KIF18B: variants seen among roughly 807,000 people sequenced by gnomAD.
KIF18B encodes the protein kinesin family member 18B.
KIF18B carries 49 observed loss-of-function variants against 80.9 expected under a neutral mutation model. That is an observed-to-expected ratio of 0.61 (90% CI 0.48 to 0.77). The LOEUF (loss-of-function observed/expected upper bound fraction) is 0.77, where lower values mean the gene tolerates loss of function less well. KIF18B is among the 30% of genes least tolerant of loss of function. The pLI is 0.00. For synonymous variants in KIF18B, 439 were observed against 463.9 expected (o/e 0.95, Z 0.69); for missense variants, 994 against 1,127.7 (o/e 0.88, Z 1.70).
chr17:44,930,442 A>G (rs1455503963), intron 11 of KIF18B, among the ~76,000 whole-genome samples: 1 of 152,246 alleles, frequency 6.6e-6, no homozygotes, highest in Non-Finnish European at 1.5e-5. Context: ...GCTAAAAACA[A>G]TAAAAAAAAA....
At chr17:44,932,833 G>A in intron 8 of KIF18B, 60 bp from the exon 9 acceptor site, 1 of 1,568,438 alleles carries the variant, frequency 6.4e-7, no homozygotes, top group Non-Finnish European at 8.7e-7. Flanking sequence ...GGGAGGGGCA[G>A]ACAGAGCCCC....
rs143296698 is a variant in KIF18B at position 44,932,329 on chromosome 17, G to A, written c.1239-123C>T. 2.8e-3 allele frequency: 3,195 copies of A among 1,122,422 alleles called. 52 individuals carry two copies. The African/African-American group carries it at 0.04, about 14-fold the overall frequency. 69.5% of individuals were successfully genotyped at this position (1,122,422 alleles called of 1,614,324 possible). On this transcript the variant is annotated intron_variant, in intron 9 of 15. Coordinates refer to ENST00000593135, the MANE Select transcript of KIF18B (RefSeq NM_001265577.2). Reference sequence around the variant, plus strand: ...GTGGGATCTCTGTGGCACCCAGGTCGTATAGAGTCCATAAGGGACAGATGC... The same window carrying A: ...GTGGGATCTCTGTGGCACCCAGGTCATATAGAGTCCATAAGGGACAGATGC...
Position 44,925,767 on chromosome 17 carries a change from T to A in KIF18B, c.*313A>T. ...CTGCACTCCAGCCTGGGCGACAGAG[T>A]AAGACTCCATCTCAAAACAAAAAAA... On this transcript the variant is annotated 3_prime_UTR_variant, in exon 16 of 16. Coordinates refer to ENST00000593135, the MANE Select transcript of KIF18B (RefSeq NM_001265577.2). 3 of 361,562 alleles carry A rather than the reference T, an allele frequency of 8.3e-6. No individual in the cohort carries two copies. The highest frequency in any genetic ancestry group is 1.5e-5 in the Non-Finnish European group (3 of 195,292). The allele number at this position is 361,562 out of a possible 1,614,324, so 22.4% of individuals were successfully genotyped here.
rs561983834 is a variant in KIF18B at position 44,928,051 on chromosome 17, T to C, written c.2251A>G (p.Arg751Gly). Residue 751 changes from arginine (R) to glycine (G), a missense_variant, in exon 13 of 16, where the codon AGG becomes GGG. Coordinates refer to ENST00000593135, the MANE Select transcript of KIF18B (RefSeq NM_001265577.2). ...CTGGGGATGAAGGGCTGGTCCAGCC[T>C]GCTCAGCTCCTGGGGTATTTTGTCC... is the stretch of plus-strand genomic sequence containing the variant. ...GWDKIPQELSRLDQPFIPRAP... is the reference protein window; with the variant it reads ...GWDKIPQELSGLDQPFIPRAP... 3 of 1,527,312 alleles carry C rather than the reference T, an allele frequency of 2.0e-6. No homozygotes were observed. Among genetic ancestry groups the C allele is most frequent in the Non-Finnish European group, 2.6e-6 (3 of 1,138,272 alleles). The allele number at this position is 1,527,312 out of a possible 1,614,324, so 94.6% of individuals were successfully genotyped here. A position where few individuals can be genotyped will look rare whatever the true frequency, so the allele number is the denominator to read the frequency against.
Position 44,934,390 on chromosome 17 carries a change from T to C in KIF18B, c.728A>G (p.Gln243Arg). The C allele has an allele frequency of 2.5e-6, 4 of 1,606,792 alleles. No individual in the cohort carries two copies. Among genetic ancestry groups the C allele is most frequent in the Non-Finnish European group, 3.4e-6 (4 of 1,176,474 alleles). ...GCTCATCTTGGCCACCTGGACAGCCTGGGTCAGTCCTGGAACCCGGTCCTG... is the reference window on the plus strand; with the variant it reads ...GCTCATCTTGGCCACCTGGACAGCCCGGGTCAGTCCTGGAACCCGGTCCTG... Reference protein sequence around the residue: ...KQQDRVPGLTQAVQVAKMSLI... With the variant: ...KQQDRVPGLTRAVQVAKMSLI... The change falls in exon 6 of 16, where the codon CAG (glutamine) becomes CGG (arginine). Residue 243 changes from glutamine (Q) to arginine (R), a missense_variant. Transcript: ENST00000593135. This position sits in a 1 kb window ranked among gnomAD's most constrained non-coding sequence, Gnocchi z 5.4.
chr17:44,931,336 T>C (rs2145685923), intron 11 of KIF18B, among the ~76,000 whole-genome samples: 1 of 152,352 alleles, frequency 6.6e-6, no homozygotes, highest in East Asian at 1.9e-4. Context: ...CGCCCTGCCC[T>C]GACCCAGGGT....
intron 1 of KIF18B, among the ~76,000 whole-genome samples, chr17:44,938,464 C>A (rs975088560): frequency 6.6e-6 from 1 of 152,184 alleles, no homozygotes; most frequent in Non-Finnish European, 1.5e-5. Context: ...AATAGTCAGA[C>A]ATGTCAATCT....
intron 1 of KIF18B, among the ~76,000 whole-genome samples, chr17:44,939,578 C>T (rs1426382895): frequency 2.0e-5 from 3 of 151,956 alleles, no homozygotes; most frequent in African/African-American, 7.2e-5. Flanking sequence ...TATGAAAAAT[C>T]CTGCTAAGAT....
rs141039672 is a variant in KIF18B at position 44,936,930 on chromosome 17, C to T, written c.-14-572G>A. Among the ~76,000 whole-genome samples the T allele has an allele frequency of 7.2e-3, 1,086 of 151,830 alleles. 5 individuals are homozygous for T. Among genetic ancestry groups the T allele is most frequent in the Non-Finnish European group, 0.012 (802 of 67,924 alleles). On this transcript the variant is annotated intron_variant, in intron 1 of 15. Transcript: ENST00000593135. ...GTGTTGGGATTACAGGCATGAGCCA[C>T]CGCGCCAGGCCTCAAATGACTATAT...
Position 44,934,927 on chromosome 17 carries a change from A to C in KIF18B, c.480T>G (p.Asn160Lys). 6.5e-7 allele frequency: 1 copy of C among 1,535,566 alleles called. No homozygotes were observed. The highest frequency in any genetic ancestry group is 8.8e-7 in the Non-Finnish European group (1 of 1,133,612). Residue 160 changes from asparagine to lysine, a missense_variant, in exon 4 of 16, where the codon AAT becomes AAG. Coordinates refer to ENST00000593135, the MANE Select transcript of KIF18B (RefSeq NM_001265577.2). This position sits in a 1 kb window ranked among gnomAD's most constrained non-coding sequence, Gnocchi z 5.4. The stretch of plus-strand genomic sequence containing the variant: ...GCTCCAGGAGGTCATGGATCTGTTC[A>C]TTATACACCTGAGAAAGGAAGAAAG... The part of the protein sequence containing the change: ...EVLISYQEVY[N>K]EQIHDLLEPK...
rs1479668556 is a variant in KIF18B, at chr17:44,936,158, T to C, written c.187A>G (p.Lys63Glu). ...KWGGTHDGPK[K>E]KGKDLTFVFD... is the part of the protein sequence containing the mutation. ...ACAAACGTCAGGTCTTTGCCCTTCT[T>C]CTTGGGGCCATCATGGGTGCCACCC... Residue 63 changes from lysine (K) to glutamate (E), a missense_variant, in exon 2 of 16, where the codon AAG (lysine) becomes GAG (glutamate). Coordinates refer to ENST00000593135, the MANE Select transcript of KIF18B (RefSeq NM_001265577.2). 1.2e-6 allele frequency: 2 copies of C among 1,613,434 alleles called. No homozygotes were observed. Among genetic ancestry groups the C allele is most frequent in the Non-Finnish European group, 1.7e-6 (2 of 1,179,740 alleles).
chr17:44,938,765 C>G (rs2052358820), intron 1 of KIF18B, among the ~76,000 whole-genome samples: 1 of 152,186 alleles, frequency 6.6e-6, no homozygotes, highest in Non-Finnish European at 1.5e-5. Flanking sequence ...GAATTTGTGG[C>G]TGGGTGTGGT....
rs2052186044 is a variant in KIF18B, at chr17:44,932,779, A to G, written c.1138-6T>C. 5 of 1,611,774 alleles carry G rather than the reference A, an allele frequency of 3.1e-6. No individual in the cohort carries two copies. Among genetic ancestry groups the G allele is most frequent in the East Asian group, 2.2e-5 (1 of 44,834 alleles). The stretch of plus-strand genomic sequence containing the variant: ...TTCTTCCTCAGAGCGGCTACCTGGA[A>G]CAGAAGCAGCCCAGCCCCTGAGAGC... On this transcript the variant is annotated splice_region_variant and splice_polypyrimidine_tract_variant and intron_variant, in intron 8 of 15. Transcript: ENST00000593135.
chr17:44,936,597 TC>T (rs1317964340), intron 1 of KIF18B, among the ~76,000 whole-genome samples: 1 of 39,974 alleles, frequency 2.5e-5, no homozygotes, highest in African/African-American at 9.8e-5. Flanking sequence ...TCTCTCTCTC[TC>T]TATATATATA....
At chr17:44,936,594 CTCTCTATATA>C (rs1299298496) in intron 1 of KIF18B, among the ~76,000 whole-genome samples, 421 of 45,010 alleles carry the variant, frequency 9.4e-3, no homozygotes, top group Middle Eastern at 0.016. Context: ...CTCTCTCTCT[CTCTCTATATA>C]TATATATATA....
chr17:44,928,796 G>A lies in KIF18B; in HGVS notation c.1723+23C>T, dbSNP rs757426054. 1.9e-6 allele frequency: 3 copies of A among 1,608,960 alleles called. No individual in the cohort carries two copies. The Admixed American group carries it at 5.0e-5, about 27-fold the overall frequency. The stretch of plus-strand genomic sequence containing the variant: ...GAAGACAGCACCTTGAAGACAGGCA[G>A]GGGAGAGCAGGATGAGACTCACTTG... On this transcript the variant is annotated intron_variant, in intron 12 of 15. Coordinates refer to ENST00000593135, the MANE Select transcript of KIF18B (RefSeq NM_001265577.2).
chr17:44,930,933 A>G (rs2052132616), intron 11 of KIF18B, among the ~76,000 whole-genome samples: 1 of 152,194 alleles, frequency 6.6e-6, no homozygotes, highest in African/African-American at 2.4e-5. Flanking sequence ...CCCAACAAGA[A>G]ATAAAATTAA....
chr17:44,932,208 T>C lies in KIF18B; in HGVS notation c.1239-2A>G. The C allele has an allele frequency of 6.3e-7, 1 of 1,575,232 alleles. No individual in the cohort carries two copies. The highest frequency in any genetic ancestry group is 8.6e-7 in the Non-Finnish European group (1 of 1,156,638). On this transcript the variant is annotated splice_acceptor_variant, in intron 9 of 15. Transcript: ENST00000593135. LOFTEE classifies it high-confidence loss of function. Reference sequence around the variant, plus strand: ...GGGAGCTCTGGGGTGCAGGGCTGGCTGGGAGGGTGGGGTGGCAAGGGGGAG... The same window carrying C: ...GGGAGCTCTGGGGTGCAGGGCTGGCCGGGAGGGTGGGGTGGCAAGGGGGAG...
intron 1 of KIF18B, among the ~76,000 whole-genome samples, chr17:44,936,624 A>ATATATT: frequency 3.6e-5 from 1 of 27,906 alleles, no homozygotes; most frequent in Non-Finnish European, 6.1e-5. Flanking sequence ...ATATATATAT[A>ATATATT]TTTTTTTTTT....
Sources: gnomAD v4.1 joint callset for allele counts (sites outside exome capture counted in the v4.1 genomes callset) on GRCh38, gnomAD v4.1.1 for gene constraint, Gnocchi (gnomAD v3.1) non-coding constraint, MANE v1.5 for transcripts, NCBI Gene and HGNC (gene_info 2026-07-23, HGNC 2026-07-21) for gene names.